DNM2: variants seen among roughly 807,000 people sequenced by gnomAD.
The protein encoded by DNM2 is dynamin-2.
A neutral mutation model predicts 99.0 loss-of-function variants in DNM2; 15 were observed. That is an observed-to-expected ratio of 0.15 (90% CI 0.10 to 0.23). The LOEUF is 0.23. Among genes scored for constraint, DNM2 ranks in the 10% least tolerant of loss-of-function variants. DNM2 has a pLI of 1.00. For missense variants in DNM2, 742 were observed against 1,189.4 expected (o/e 0.62, Z 5.53); for synonymous variants, 525 against 481.2 (o/e 1.09, Z -1.19).
At chr19:10,728,768 C>T (rs1386658888) in intron 1 of DNM2, among the ~76,000 whole-genome samples, 1 of 151,908 alleles carries the variant, frequency 6.6e-6, no homozygotes, top group African/African-American at 2.4e-5. Flanking sequence ...GCCAGCATGG[C>T]GAGCCCCATC....
rs2070751946 is a variant in DNM2 at position 10,765,033 on chromosome 19, C to A, written c.235+5222C>A. Among the ~76,000 whole-genome samples, 1 of 151,504 alleles carries A rather than the reference C, an allele frequency of 6.6e-6. No homozygotes were observed. Among genetic ancestry groups the A allele is most frequent in the Non-Finnish European group, 1.5e-5 (1 of 67,894 alleles). Reference sequence around the variant, plus strand: ...AGTGCAGTGGCGCCATCTCAGCTCACTGCAAGCTCCGCCTCCCGGGTTCAC... The same window carrying A: ...AGTGCAGTGGCGCCATCTCAGCTCAATGCAAGCTCCGCCTCCCGGGTTCAC... On this transcript the variant is annotated intron_variant, in intron 2 of 20. Coordinates refer to ENST00000389253, the MANE Select transcript of DNM2 (RefSeq NM_001005361.3). The surrounding 1 kb of genome is among the most constrained non-coding windows in gnomAD (Gnocchi z 4.4).
At chr19:10,798,735 T>G (rs1247260908) in intron 11 of DNM2, among the ~76,000 whole-genome samples, 163 bp downstream of exon 11, 30 of 151,986 alleles carry the variant, frequency 2.0e-4, no homozygotes, top group Admixed American at 2.0e-3. Flanking sequence ...CCTATCATGC[T>G]GACAGCTGCA....
At chr19:10,824,275 G>A (rs2146183542) in intron 17 of DNM2, 1 of 309,040 alleles carries the variant, frequency 3.2e-6, no homozygotes, top group Non-Finnish European at 6.4e-6. Flanking sequence ...GCTGAGGTGG[G>A]CAGATCATTT....
chr19:10,827,733 G>T (rs2073190085), intron 18 of DNM2, among the ~76,000 whole-genome samples: 1 of 151,890 alleles, frequency 6.6e-6, no homozygotes, highest in Non-Finnish European at 1.5e-5. Flanking sequence ...GCTGGGCGTG[G>T]TGGCACGCGT....
rs922813982 is a variant in DNM2, at chr19:10,765,772, A to C, written c.235+5961A>C. Among the ~76,000 whole-genome samples, 1 of 152,114 alleles carries C rather than the reference A, an allele frequency of 6.6e-6. No homozygotes were observed. The stretch of plus-strand genomic sequence containing the variant: ...GGTCTCCTGATGGTGGCAGATCCCC[A>C]AGTTGTTCCCCCTGGTCCTGCCTGC... On this transcript the variant is annotated intron_variant, in intron 2 of 20. Coordinates refer to ENST00000389253, the MANE Select transcript of DNM2 (RefSeq NM_001005361.3). This position sits in a 1 kb window ranked among gnomAD's most constrained non-coding sequence, Gnocchi z 4.4.
rs1266406781 is a variant in DNM2 at position 10,718,356 on chromosome 19, C to A, written c.114C>A (p.Gly38=). The change falls in exon 1 of 21, where the codon GGC becomes GGA. Residue 38 remains glycine (G), a synonymous_variant. Transcript: ENST00000389253. ...HLDLPQIAVV[G]GQSAGKSSVL... ...ACCTGCCGCAGATCGCTGTAGTGGG[C>A]GGCCAGAGCGCCGGCAAGAGCTCGG... The A allele has an allele frequency of 6.6e-7, 1 of 1,521,398 alleles. No individual in the cohort carries two copies. The highest frequency in any genetic ancestry group is 8.8e-7 in the Non-Finnish European group (1 of 1,136,700). The allele number at this position is 1,521,398 out of a possible 1,614,324, so 94.2% of individuals were successfully genotyped here.
Position 10,797,285 on chromosome 19 carries a change from C to T in DNM2, c.1197-95C>T, listed in dbSNP as rs185157704. The stretch of plus-strand genomic sequence containing the variant: ...ATGCATGGACTAATCAGATGACTCT[C>T]GTTTCTTCTCTTCTCTCTGTCTCCT... On this transcript the variant is annotated intron_variant, in intron 9 of 20. Coordinates refer to ENST00000389253, the MANE Select transcript of DNM2 (RefSeq NM_001005361.3). 2,035 of 1,548,244 alleles carry T rather than the reference C, an allele frequency of 1.3e-3. 41 individuals carry two copies. The Admixed American group carries it at 0.033, about 25-fold the overall frequency.
At chr19:10,819,786 G>A (rs2072911569) in intron 15 of DNM2, among the ~76,000 whole-genome samples, 194 bp from the exon 16 acceptor site, 1 of 152,168 alleles carries the variant, frequency 6.6e-6, no homozygotes, top group African/African-American at 2.4e-5. Context: ...GATACTCAGG[G>A]AGCATCATGG....
intron 1 of DNM2, among the ~76,000 whole-genome samples, chr19:10,733,860 T>G (rs1007627073): frequency 4.6e-5 from 7 of 151,010 alleles, no homozygotes; most frequent in Non-Finnish European, 7.4e-5. Context: ...TACAAAAAAT[T>G]AGCCAGGTGT....
At chr19:10,751,467 G>C (rs1172088741) in intron 1 of DNM2, among the ~76,000 whole-genome samples, 1 of 152,172 alleles carries the variant, frequency 6.6e-6, no homozygotes, top group Non-Finnish European at 1.5e-5. Flanking sequence ...CAGTGTCAGT[G>C]TTCCAGGCAG....
rs756218322 is a variant in DNM2 at position 10,830,408 on chromosome 19, A to G, written c.2543+30A>G. 2.0e-5 allele frequency: 32 copies of G among 1,598,854 alleles called. No homozygotes were observed. The highest frequency in any genetic ancestry group is 3.3e-5 in the Admixed American group (2 of 59,852). Reference sequence around the variant, plus strand: ...GGCCAACCCCCTGCCCTCCACCCCAACTGCCTGCACCCTGGGGTCTCTCCT... The same window carrying G: ...GGCCAACCCCCTGCCCTCCACCCCAGCTGCCTGCACCCTGGGGTCTCTCCT... On this transcript the variant is annotated intron_variant, in intron 20 of 20. Coordinates refer to ENST00000389253, the MANE Select transcript of DNM2 (RefSeq NM_001005361.3). The surrounding 1 kb of genome is among the most constrained non-coding windows in gnomAD (Gnocchi z 4.8).
In DNM2 at chr19:10,775,731, G is replaced by A. The variant is rs1222869455; in HGVS notation, c.414G>A (p.Pro138=). ...HVLNLTLIDL[P]GITKVPVGDQ... ...TGAACTTGACCCTCATCGACCTCCC[G>A]GGTATCACCAAGGTGCCTGTGGGCG... Residue 138 remains proline (P), a synonymous_variant, in exon 4 of 21, where the codon CCG becomes CCA. Transcript: ENST00000389253. This position sits in a 1 kb window ranked among gnomAD's most constrained non-coding sequence, Gnocchi z 4.3. The A allele has an allele frequency of 6.2e-6, 10 of 1,614,084 alleles. No homozygotes were observed. Among genetic ancestry groups the A allele is most frequent in the Admixed American group, 5.0e-5 (3 of 59,994 alleles).
chr19:10,811,681 G>T lies in DNM2; in HGVS notation c.1558-583G>T. ...CGTTAGTTGTCAGGTGAGTCCCTGCGCAGGCCTGGGTTCTGACCCCCACGC... is the reference window on the plus strand; with the variant it reads ...CGTTAGTTGTCAGGTGAGTCCCTGCTCAGGCCTGGGTTCTGACCCCCACGC... On this transcript the variant is annotated intron_variant, in intron 14 of 20. Transcript: ENST00000389253. This position sits in a 1 kb window ranked among gnomAD's most constrained non-coding sequence, Gnocchi z 5.4. The T allele has an allele frequency of 1.9e-6, 1 of 515,332 alleles. No homozygotes were observed. The highest frequency in any genetic ancestry group is 1.4e-5 in the South Asian group (1 of 70,728). The allele number at this position is 515,332 out of a possible 1,614,324, so 31.9% of individuals were successfully genotyped here.
At chr19:10,777,049 G>C in intron 4 of DNM2, 69 bp from the exon 5 acceptor site, 12 of 1,527,640 alleles carry the variant, frequency 7.9e-6, no homozygotes, top group Non-Finnish European at 1.1e-5. Flanking sequence ...ACCCCAGGTG[G>C]CTTGCAGCTG....
Position 10,772,700 on chromosome 19 carries a change from G to A in DNM2, c.385+72G>A. 1 of 1,603,252 alleles carries A rather than the reference G, an allele frequency of 6.2e-7. No individual in the cohort carries two copies. Among genetic ancestry groups the A allele is most frequent in the Non-Finnish European group, 8.5e-7 (1 of 1,174,990 alleles). The stretch of plus-strand genomic sequence containing the variant: ...CATGGACAGTGCTATGGGTGAGCCT[G>A]TGTACTTCCACTCATGGGTATCATG... On this transcript the variant is annotated intron_variant, in intron 3 of 20. Coordinates refer to ENST00000389253, the MANE Select transcript of DNM2 (RefSeq NM_001005361.3). The surrounding 1 kb of genome is among the most constrained non-coding windows in gnomAD (Gnocchi z 4.9).
chr19:10,719,308 T>C (rs1405277358), intron 1 of DNM2, among the ~76,000 whole-genome samples: 3 of 152,120 alleles, frequency 2.0e-5, no homozygotes, highest in Admixed American at 2.0e-4. Context: ...GAAGGAGGAC[T>C]CTGGGGGTAC....
chr19:10,746,002 A>G (rs964848376), intron 1 of DNM2, among the ~76,000 whole-genome samples: 2 of 152,132 alleles, frequency 1.3e-5, no homozygotes, highest in Non-Finnish European at 2.9e-5. Context: ...ACTCTGACCT[A>G]TGCTGGAGTG....
chr19:10,786,922 G>A (rs1204267137), intron 7 of DNM2, among the ~76,000 whole-genome samples: 1 of 152,222 alleles, frequency 6.6e-6, no homozygotes, highest in Admixed American at 6.5e-5. Context: ...TGCTCAGAAT[G>A]GGGGGAAGTG....
intron 1 of DNM2, among the ~76,000 whole-genome samples, chr19:10,729,925 C>T (rs1005029011): frequency 6.6e-6 from 1 of 151,700 alleles, no homozygotes; most frequent in African/African-American, 2.4e-5. Flanking sequence ...TGCAGTGGCA[C>T]AGTCATGGCT....
Sources: allele counts gnomAD v4.1 joint callset (sites outside exome capture counted in the v4.1 genomes callset), GRCh38; gene constraint gnomAD v4.1.1; non-coding constraint Gnocchi (gnomAD v3.1); transcripts MANE v1.5; gene names NCBI Gene and HGNC (gene_info 2026-07-23, HGNC 2026-07-21).